POC1A: variants seen among roughly 807,000 people sequenced by gnomAD.
POC1A encodes POC1 centriolar protein A, also known as POC1 centriolar protein homolog A.
In POC1A, 34 loss-of-function variants were observed where a neutral mutation model predicts 47.8. That is an observed-to-expected ratio of 0.71 (90% CI 0.54 to 0.95). The LOEUF (loss-of-function observed/expected upper bound fraction) is 0.95, where lower values mean the gene tolerates loss of function less well. POC1A is among the 40% of genes least tolerant of loss of function. The probability of loss-of-function intolerance (pLI) is 0.00; values close to 1 mark genes in which losing one functional copy is unlikely to be tolerated. For missense variants in POC1A, 466 were observed against 528.3 expected, an observed-to-expected ratio of 0.88 and a Z score of 1.16; for synonymous variants, 177 against 207.6, an observed-to-expected ratio of 0.85 and a Z score of 1.27.
intron 7 of POC1A, among the ~76,000 whole-genome samples, chr3:52,136,811 A>G (rs1270690681): frequency 2.6e-5 from 4 of 152,266 alleles, no homozygotes; most frequent in Non-Finnish European, 5.9e-5. Context: ...AACACCGGGA[A>G]TGACATTTTA....
chr3:52,153,136 A>C (rs1257909824), intron 1 of POC1A, among the ~76,000 whole-genome samples: 3 of 152,222 alleles, frequency 2.0e-5, no homozygotes, highest in Non-Finnish European at 4.4e-5. Flanking sequence ...AAACTACTGA[A>C]ATGTACACTT....
At chr3:52,104,845 G>A (rs946300301) in intron 9 of POC1A, among the ~76,000 whole-genome samples, 2 of 152,184 alleles carry the variant, frequency 1.3e-5, no homozygotes, top group Admixed American at 6.5e-5. Flanking sequence ...TCAGGCCTCC[G>A]CTGCTTAGGA....
intron 8 of POC1A, among the ~76,000 whole-genome samples, chr3:52,124,766 A>G (rs2107103257): frequency 6.6e-6 from 1 of 152,386 alleles, no homozygotes; most frequent in African/African-American, 2.4e-5. Context: ...GTAAGATCAT[A>G]TTAATAATAA....
At chr3:52,093,858 C>G (rs1702722065) in intron 10 of POC1A, among the ~76,000 whole-genome samples, 1 of 152,202 alleles carries the variant, frequency 6.6e-6, no homozygotes, top group Admixed American at 6.5e-5. Flanking sequence ...CACATGGGGC[C>G]ATACCAGCCT....
intron 9 of POC1A, among the ~76,000 whole-genome samples, chr3:52,108,776 C>T (rs1165827299): frequency 6.6e-6 from 1 of 152,166 alleles, no homozygotes; most frequent in Non-Finnish European, 1.5e-5. Flanking sequence ...AGGCTGTGTC[C>T]CATGGGGTCA....
rs1034898033 is a variant in POC1A at position 52,134,608 on chromosome 3, G to C, written c.813+3561C>G. 1.1e-4 allele frequency among the ~76,000 whole-genome samples: 17 copies of C among 152,264 alleles called. No individual in the cohort carries two copies. The East Asian group carries it at 3.1e-3, about 28-fold the overall frequency. On this transcript the variant is annotated intron_variant, in intron 7 of 10. Coordinates refer to ENST00000296484, the MANE Select transcript of POC1A (RefSeq NM_015426.5). Reference sequence around the variant, plus strand: ...GATCGCACCACTGCACTCCAGCCTGGGCGACAGGGCGAAACTGTCTCTGAA... The same window carrying C: ...GATCGCACCACTGCACTCCAGCCTGCGCGACAGGGCGAAACTGTCTCTGAA...
intron 10 of POC1A, among the ~76,000 whole-genome samples, chr3:52,092,875 G>C (rs1460227009): frequency 6.6e-6 from 1 of 152,354 alleles, no homozygotes; most frequent in Non-Finnish European, 1.5e-5. Context: ...CTCTTCATCT[G>C]AAAGGCCTCT....
At chr3:52,149,713 C>T (rs1348536205) in intron 3 of POC1A, 103 bp downstream of exon 3, 3 of 1,098,500 alleles carry the variant, frequency 2.7e-6, no homozygotes, top group African/African-American at 3.1e-5. Context: ...GAGTAGAAGT[C>T]CCACTGTGAC....
chr3:52,136,048 T>C (rs761524918), intron 7 of POC1A, among the ~76,000 whole-genome samples: 4 of 151,896 alleles, frequency 2.6e-5, no homozygotes, highest in Non-Finnish European at 5.9e-5. Context: ...GGAAAGAGGG[T>C]GACCCTGGGC....
intron 9 of POC1A, among the ~76,000 whole-genome samples, chr3:52,106,769 T>G (rs1490494995): frequency 6.6e-6 from 1 of 152,204 alleles, no homozygotes; most frequent in African/African-American, 2.4e-5. Context: ...AAACCAAGAC[T>G]CTGTTCTCCT....
At chr3:52,122,706 C>T (rs1703833270) in intron 8 of POC1A, among the ~76,000 whole-genome samples, 1 of 152,226 alleles carries the variant, frequency 6.6e-6, no homozygotes, top group Non-Finnish European at 1.5e-5. Flanking sequence ...ACTACCACGG[C>T]GTGGCACCGC....
At chr3:52,143,687 C>G (rs1698272530) in intron 6 of POC1A, among the ~76,000 whole-genome samples, 1 of 152,190 alleles carries the variant, frequency 6.6e-6, no homozygotes. Flanking sequence ...ACTCTGATGC[C>G]AGCCCCTACT....
chr3:52,092,486 T>C (rs1454685889), intron 10 of POC1A, among the ~76,000 whole-genome samples: 1 of 152,016 alleles, frequency 6.6e-6, no homozygotes, highest in Non-Finnish European at 1.5e-5. Context: ...CAACAAGCCA[T>C]TATTAACACA....
intron 10 of POC1A, among the ~76,000 whole-genome samples, chr3:52,087,106 G>A (rs953115670): frequency 1.3e-5 from 2 of 152,208 alleles, no homozygotes; most frequent in Non-Finnish European, 2.9e-5. Flanking sequence ...AGAGTGGGGC[G>A]GGCAGTAGGA....
At chr3:52,151,293 A>T in intron 1 of POC1A, 193 bp from the exon 2 acceptor site, 3 of 666,868 alleles carry the variant, frequency 4.5e-6, no homozygotes, top group Non-Finnish European at 6.8e-6. Flanking sequence ...TTGAATTAAT[A>T]CATCAACTGT....
intron 9 of POC1A, among the ~76,000 whole-genome samples, chr3:52,099,300 C>T (rs1307655992): frequency 6.6e-6 from 1 of 152,188 alleles, no homozygotes; most frequent in Non-Finnish European, 1.5e-5. Context: ...AGCTCTGTAG[C>T]CACTCACCTG....
chr3:52,081,036 G>A (rs941737098), intron 10 of POC1A, among the ~76,000 whole-genome samples: 37 of 152,198 alleles, frequency 2.4e-4, no homozygotes, highest in African/African-American at 8.7e-4. Context: ...GTTCACCTGG[G>A]GGCTCATTTC....
At chr3:52,154,210 G>T in intron 1 of POC1A, 145 bp downstream of exon 1, 1 of 836,830 alleles carries the variant, frequency 1.2e-6, no homozygotes, top group Non-Finnish European at 1.8e-6. Flanking sequence ...AGCGCCCCCT[G>T]CGCAGACAGT....
chr3:52,144,125 G>A (rs376160001), intron 6 of POC1A, among the ~76,000 whole-genome samples: 5 of 152,302 alleles, frequency 3.3e-5, no homozygotes, highest in African/African-American at 1.2e-4. Context: ...CCCCTTTACA[G>A]AAAGGAACCA....
Sources: gnomAD v4.1 joint callset for allele counts (sites outside exome capture counted in the v4.1 genomes callset) on GRCh38, gnomAD v4.1.1 for gene constraint, MANE v1.5 for transcripts, NCBI Gene and HGNC (gene_info 2026-07-23, HGNC 2026-07-21) for gene names.